Variants in CPA6 observed in about 807,000 individuals in gnomAD.
The protein encoded by CPA6 is carboxypeptidase B.
In CPA6, 58 loss-of-function variants were observed where a neutral mutation model predicts 63.3. That is an observed-to-expected ratio of 0.92 (90% CI 0.74 to 1.14). The LOEUF is 1.14. Among genes scored for constraint, CPA6 ranks in the 50% most tolerant of loss-of-function variants. The pLI, the probability that CPA6 is intolerant of heterozygous loss-of-function variation, is 0.00. For missense variants in CPA6, 565 were observed against 526.6 expected (o/e 1.07, Z -0.71); for synonymous variants, 185 against 179.0 (o/e 1.03, Z -0.27).
chr8:67,504,111 T>C (rs557240070), intron 6 of CPA6, among the ~76,000 whole-genome samples: 11 of 152,190 alleles, frequency 7.2e-5, no homozygotes, highest in Non-Finnish European at 1.2e-4. Flanking sequence ...ACACAGACAG[T>C]AAGTGGCAGA....
At chr8:67,741,092 A>G (rs1303856451) in intron 1 of CPA6, among the ~76,000 whole-genome samples, 1 of 152,182 alleles carries the variant, frequency 6.6e-6, no homozygotes, top group African/African-American at 2.4e-5. Flanking sequence ...GCCATTCATC[A>G]AAGTGGCTTC....
chr8:67,708,880 C>T (rs145048969), intron 1 of CPA6, among the ~76,000 whole-genome samples: 1 of 152,138 alleles, frequency 6.6e-6, no homozygotes, highest in Non-Finnish European at 1.5e-5. Context: ...CAACCCCACA[C>T]CAGAAACATC....
chr8:67,513,797 T>C (rs1812089014), intron 3 of CPA6, among the ~76,000 whole-genome samples: 1 of 152,164 alleles, frequency 6.6e-6, no homozygotes, highest in African/African-American at 2.4e-5. Flanking sequence ...TTGTAAACTG[T>C]TGTAGTTTCT....
intron 2 of CPA6, among the ~76,000 whole-genome samples, chr8:67,564,257 G>A (rs1297694692): frequency 6.6e-6 from 1 of 152,122 alleles, no homozygotes; most frequent in Non-Finnish European, 1.5e-5. Context: ...ATTTCCTGGA[G>A]AGGTCTATAG....
chr8:67,519,071 TAGCCACTC>T lies in CPA6; in HGVS notation c.193-1032_193-1025del, dbSNP rs1812208531. On this transcript the variant is annotated intron_variant, in intron 2 of 10. Coordinates refer to ENST00000297770, the MANE Select transcript of CPA6 (RefSeq NM_020361.5). ...TCCTGGAACAGTGCCTTGTGTAAAT[TAGCCACTC>T]AGTGTTTGTTGCAAGAGTGTAGACC... Among the ~76,000 whole-genome samples the T allele has an allele frequency of 3.9e-5, 6 of 152,320 alleles. 1 individual carries two copies. Among genetic ancestry groups the T allele is most frequent in the African/African-American group, 1.4e-4 (6 of 41,582 alleles).
intron 2 of CPA6, among the ~76,000 whole-genome samples, chr8:67,615,439 C>A (rs553695508): frequency 6.6e-6 from 1 of 151,940 alleles, no homozygotes; most frequent in Non-Finnish European, 1.5e-5. Flanking sequence ...TCACATTTAA[C>A]AAAGCACAAA....
rs1287196796 is a variant in CPA6, at chr8:67,438,794, G to A, written c.839-4554C>T. Among the ~76,000 whole-genome samples the A allele has an allele frequency of 2.6e-5, 4 of 151,940 alleles. No individual in the cohort carries two copies. The East Asian group carries it at 7.7e-4, about 29-fold the overall frequency. ...AATAAAGAGGGAGGTGGGCAGGGAA[G>A]GCAAAAGCATGCTAAATTGTTGGTC... On this transcript the variant is annotated intron_variant, in intron 8 of 10. Coordinates refer to ENST00000297770, the MANE Select transcript of CPA6 (RefSeq NM_020361.5).
intron 1 of CPA6, among the ~76,000 whole-genome samples, chr8:67,725,472 A>T (rs1258995602): frequency 1.3e-5 from 2 of 152,188 alleles, no homozygotes; most frequent in African/African-American, 4.8e-5. Flanking sequence ...TTCAATCTCC[A>T]TAGACTTTAA....
At chr8:67,617,311 C>T (rs958398510) in intron 2 of CPA6, among the ~76,000 whole-genome samples, 1 of 152,134 alleles carries the variant, frequency 6.6e-6, no homozygotes, top group Non-Finnish European at 1.5e-5. Flanking sequence ...TATCAATATA[C>T]ACATGGAGAT....
chr8:67,611,339 C>T (rs1327764330), intron 2 of CPA6, among the ~76,000 whole-genome samples: 1 of 152,212 alleles, frequency 6.6e-6, no homozygotes, highest in African/African-American at 2.4e-5. Context: ...CTGCCTCAGC[C>T]TCCCAAAGTG....
At chr8:67,729,545 G>A (rs534840323) in intron 1 of CPA6, among the ~76,000 whole-genome samples, 1 of 152,226 alleles carries the variant, frequency 6.6e-6, no homozygotes, top group South Asian at 2.1e-4. Context: ...AGTACAGCTT[G>A]GTCAGGAAGA....
intron 8 of CPA6, among the ~76,000 whole-genome samples, chr8:67,453,764 A>C (rs772104761): frequency 6.6e-6 from 1 of 152,232 alleles, no homozygotes; most frequent in Non-Finnish European, 1.5e-5. Context: ...TGCATTTGTC[A>C]AAAACTTAGT....
chr8:67,428,000 T>C lies in CPA6; in HGVS notation c.1126+47A>G, dbSNP rs1377967921. The C allele has an allele frequency of 2.4e-6, 3 of 1,257,072 alleles. No homozygotes were observed. The Admixed American group carries it at 5.5e-5, about 23-fold the overall frequency. 77.9% of individuals were successfully genotyped at this position (1,257,072 alleles called of 1,614,324 possible). A position where few individuals can be genotyped will look rare whatever the true frequency, so the allele number is the denominator to read the frequency against. ...TAAAAGGAAGTCATGATACAGGATA[T>C]TGGTTCAAGAGAGAGGATTCTAACA... On this transcript the variant is annotated intron_variant, in intron 10 of 10. Coordinates refer to ENST00000297770, the MANE Select transcript of CPA6 (RefSeq NM_020361.5).
intron 1 of CPA6, among the ~76,000 whole-genome samples, chr8:67,635,043 T>G (rs527747418): frequency 1.3e-5 from 2 of 151,438 alleles, no homozygotes; most frequent in East Asian, 3.9e-4. Flanking sequence ...TGAACCACTA[T>G]GCCCTGCTAT....
At chr8:67,633,480 G>T (rs897339166) in intron 1 of CPA6, among the ~76,000 whole-genome samples, 5 of 152,156 alleles carry the variant, frequency 3.3e-5, no homozygotes, top group African/African-American at 1.2e-4. Context: ...AGGAGATCGA[G>T]ACCATCATGG....
intron 7 of CPA6, among the ~76,000 whole-genome samples, chr8:67,484,214 C>G (rs573627521): frequency 2.0e-5 from 3 of 152,112 alleles, no homozygotes; most frequent in Non-Finnish European, 4.4e-5. Flanking sequence ...GGACTACAGG[C>G]GCCCGCCACC....
At chr8:67,664,659 T>C (rs1433074344) in intron 1 of CPA6, among the ~76,000 whole-genome samples, 1 of 152,136 alleles carries the variant, frequency 6.6e-6, no homozygotes, top group Non-Finnish European at 1.5e-5. Context: ...ATGTGGGCTC[T>C]AGAAGTGAGT....
rs188251024 is a variant in CPA6 at position 67,646,502 on chromosome 8, C to A, written c.117-22251G>T. Among the ~76,000 whole-genome samples, 724 of 152,260 alleles carry A rather than the reference C, an allele frequency of 4.8e-3. 2 individuals carry two copies. Among genetic ancestry groups the A allele is most frequent in the Non-Finnish European group, 6.4e-3 (435 of 68,030 alleles). ...GTTGGTAACACTCCAACCGAGCAAA[C>A]CTCTCTGGAGGTGCTGTGGAGTTGT... On this transcript the variant is annotated intron_variant, in intron 1 of 10. Transcript: ENST00000297770.
At chr8:67,672,231 A>G (rs193024904) in intron 1 of CPA6, among the ~76,000 whole-genome samples, 202 of 152,354 alleles carry the variant, frequency 1.3e-3, no homozygotes, top group Non-Finnish European at 2.3e-3. Flanking sequence ...TTAAAAATAC[A>G]TCACAATTTT....
Sources: allele counts gnomAD v4.1 joint callset (sites outside exome capture counted in the v4.1 genomes callset), GRCh38; gene constraint gnomAD v4.1.1; transcripts MANE v1.5; gene names NCBI Gene and HGNC (gene_info 2026-07-23, HGNC 2026-07-21).